The following DNAH9 variants were observed in gnomAD, a reference collection of about 807,000 sequenced individuals.
DNAH9 encodes the protein DNAH9 variant protein.
In DNAH9, 345 loss-of-function variants were observed where a neutral mutation model predicts 471.6. The ratio of observed to expected loss-of-function variants is 0.73; its 90% CI spans 0.67 to 0.80. The LOEUF (loss-of-function observed/expected upper bound fraction) is 0.80, where lower values mean the gene tolerates loss of function less well. Among genes scored for constraint, DNAH9 ranks in the 30% least tolerant of loss-of-function variants. DNAH9 has a pLI of 0.00. For missense variants in DNAH9, 5,407 were observed against 5,609.2 expected, an observed-to-expected ratio of 0.96 and a Z score of 1.15; for synonymous variants, 2,093 against 2,123.6, an observed-to-expected ratio of 0.99 and a Z score of 0.40.
intron 1 of DNAH9, among the ~76,000 whole-genome samples, chr17:11,604,412 G>T (rs1301388127): frequency 2.0e-5 from 3 of 152,062 alleles, no homozygotes; most frequent in Non-Finnish European, 4.4e-5. Flanking sequence ...CTTGGGGGCT[G>T]TCATTCAATT....
chr17:11,726,074 T>C (rs74749517), intron 27 of DNAH9, among the ~76,000 whole-genome samples: 1,758 of 152,258 alleles, frequency 0.012, 37 homozygotes, highest in African/African-American at 0.04. Flanking sequence ...CATTTTTCTC[T>C]GCACATATCA....
intron 1 of DNAH9, among the ~76,000 whole-genome samples, chr17:11,599,579 T>C (rs943223369): frequency 3.9e-5 from 6 of 152,152 alleles, no homozygotes; most frequent in African/African-American, 1.4e-4. Flanking sequence ...TGCCTGAAGC[T>C]CAGGGAGGAA....
chr17:11,828,445 C>A (rs1401538941), intron 48 of DNAH9, among the ~76,000 whole-genome samples: 2 of 144,398 alleles, frequency 1.4e-5, no homozygotes, highest in Non-Finnish European at 3.0e-5. Context: ...TGCACTCCAG[C>A]CTGGGCAACA....
In DNAH9 at chr17:11,739,009, C is replaced by T; in HGVS notation, c.5944C>T (p.Leu1982=). 6.2e-7 allele frequency: 1 copy of T among 1,613,946 alleles called. No individual in the cohort carries two copies. The highest frequency in any genetic ancestry group is 8.5e-7 in the Non-Finnish European group (1 of 1,179,844). Residue 1982 remains leucine (L), a synonymous_variant, in exon 29 of 69, where the codon CTG becomes TTG. Coordinates refer to ENST00000262442, the MANE Select transcript of DNAH9 (RefSeq NM_001372.4). ...CCCAGGCTATGCTGGCCGCACAGAG[C>T]TGCCAGAGAATCTCAAGTCTCTCTT... is the stretch of plus-strand genomic sequence containing the variant. ...MNPGYAGRTE[L]PENLKSLFRP...
intron 67 of DNAH9, among the ~76,000 whole-genome samples, chr17:11,951,932 A>G (rs1975377446): frequency 6.6e-6 from 1 of 151,876 alleles, no homozygotes; most frequent in Admixed American, 6.6e-5. Context: ...CAAAAAAAAA[A>G]AAAAAAATTA....
chr17:11,949,116 G>T (rs1023333070), intron 67 of DNAH9, among the ~76,000 whole-genome samples: 3 of 152,106 alleles, frequency 2.0e-5, no homozygotes, highest in Non-Finnish European at 4.4e-5. Context: ...AAGACCTACA[G>T]GAAAAATGAG....
intron 45 of DNAH9, among the ~76,000 whole-genome samples, chr17:11,820,764 C>A (rs2150939273): frequency 6.6e-6 from 1 of 152,120 alleles, no homozygotes; most frequent in Non-Finnish European, 1.5e-5. Context: ...CTATACTTTG[C>A]CTGTGATATT....
At chr17:11,609,832 G>T (rs542612535) in intron 2 of DNAH9, among the ~76,000 whole-genome samples, 1 of 152,206 alleles carries the variant, frequency 6.6e-6, no homozygotes, top group African/African-American at 2.4e-5. Context: ...TGATCTTCAG[G>T]TGGCTGATTA....
At chr17:11,870,528 A>G (rs1001130443) in intron 51 of DNAH9, among the ~76,000 whole-genome samples, 1 of 151,858 alleles carries the variant, frequency 6.6e-6, no homozygotes, top group Non-Finnish European at 1.5e-5. Context: ...TGTAATGAAG[A>G]CCTGCCATAC....
At position 11,763,528 on chromosome 17, in the gene DNAH9, C is replaced by G. The variant is rs758964511; in HGVS notation, c.7084C>G (p.Pro2362Ala). 4 of 1,614,050 alleles carry G rather than the reference C, an allele frequency of 2.5e-6. No homozygotes were observed. Among genetic ancestry groups the G allele is most frequent in the East Asian group, 2.2e-5 (1 of 44,876 alleles). The change falls in exon 36 of 69, where the codon CCT becomes GCT. Residue 2362 changes from proline (P) to alanine (A), a missense_variant. This residue lies in a region of DNAH9 where 4,636 missense variants were observed against 4,900.3 expected (regional missense o/e 0.95). Transcript: ENST00000262442. ...LECLLTTEDIPADCPKEIYEH... is the reference protein window; with the variant it reads ...LECLLTTEDIAADCPKEIYEH... ...ATGTCTCCTGACCACGGAGGACATC[C>G]CTGCAGACTGCCCTAAGGAAATTTA... is the stretch of plus-strand genomic sequence containing the variant.
At chr17:11,713,359 A>G (rs2074906228) in intron 26 of DNAH9, among the ~76,000 whole-genome samples, 1 of 152,182 alleles carries the variant, frequency 6.6e-6, no homozygotes, top group South Asian at 2.1e-4. Context: ...GCTGCAATGA[A>G]CATATGCATG....
In DNAH9 at chr17:11,904,499, C is replaced by G. The variant is rs143836671; in HGVS notation, c.11601-1162C>G. On this transcript the variant is annotated intron_variant, in intron 60 of 68. Coordinates refer to ENST00000262442, the MANE Select transcript of DNAH9 (RefSeq NM_001372.4). ...CAAAAATTAGCTAGGCATAGTGGCACTCGCCTGTAGTCCCAGCTACTCAGG... is the reference window on the plus strand; with the variant it reads ...CAAAAATTAGCTAGGCATAGTGGCAGTCGCCTGTAGTCCCAGCTACTCAGG... Among the ~76,000 whole-genome samples the G allele has an allele frequency of 5.7e-3, 860 of 151,966 alleles. 6 individuals carry two copies. The highest frequency in any genetic ancestry group is 0.027 in the Middle Eastern group (8 of 294).
At chr17:11,776,897 A>C (rs116021731) in intron 38 of DNAH9, among the ~76,000 whole-genome samples, 1,640 of 152,290 alleles carry the variant, frequency 0.011, 28 homozygotes, top group African/African-American at 0.038. Flanking sequence ...TTCATTCTCC[A>C]TTCCAGCAGT....
intron 42 of DNAH9, among the ~76,000 whole-genome samples, chr17:11,796,572 A>G (rs1969248604): frequency 6.6e-6 from 1 of 151,818 alleles, no homozygotes; most frequent in Admixed American, 6.6e-5. Flanking sequence ...CTTACCCTGC[A>G]GTGACTTATG....
At chr17:11,616,076 C>CA (rs2072735878) in intron 4 of DNAH9, among the ~76,000 whole-genome samples, 1 of 152,184 alleles carries the variant, frequency 6.6e-6, no homozygotes, top group Non-Finnish European at 1.5e-5. Flanking sequence ...TGGTGAGCCT[C>CA]CGTGAAGCCA....
intron 12 of DNAH9, among the ~76,000 whole-genome samples, chr17:11,648,259 A>G (rs1156892089): frequency 6.6e-6 from 1 of 152,220 alleles, no homozygotes; most frequent in African/African-American, 2.4e-5. Context: ...GAAAATTGCA[A>G]TTTAAGTAGA....
chr17:11,640,289 G>A lies in DNAH9; in HGVS notation c.1806G>A (p.Lys602=). The change falls in exon 10 of 69, where the codon AAG becomes AAA. Residue 602 remains lysine (K), a synonymous_variant. Coordinates refer to ENST00000262442, the MANE Select transcript of DNAH9 (RefSeq NM_001372.4). ...CTCCAGGGTTCTCCCCGGTGCACAA[G>A]AACATGCCCACCGTGGCTGGCGGCC... is the stretch of plus-strand genomic sequence containing the variant. ...EAELGFSPVH[K]NMPTVAGGLR... 2 of 1,613,698 alleles carry A rather than the reference G, an allele frequency of 1.2e-6. No homozygotes were observed. Among genetic ancestry groups the A allele is most frequent in the Middle Eastern group, 1.7e-4 (1 of 6,058 alleles).
intron 49 of DNAH9, among the ~76,000 whole-genome samples, chr17:11,846,711 G>A (rs372236008): frequency 0.016 from 2,214 of 139,590 alleles, 40 homozygotes; most frequent in African/African-American, 0.056. Flanking sequence ...CCTTGAAGAG[G>A]TCCTTCACAT....
intron 31 of DNAH9, among the ~76,000 whole-genome samples, chr17:11,745,965 C>T (rs1665182022): frequency 6.6e-6 from 1 of 152,160 alleles, no homozygotes; most frequent in African/African-American, 2.4e-5. Context: ...GGTTATCCAA[C>T]ATGTTACCAG....
Sources: allele counts gnomAD v4.1 joint callset (sites outside exome capture counted in the v4.1 genomes callset), GRCh38; gene constraint gnomAD v4.1.1; regional missense constraint gnomAD v4.1.1; transcripts MANE v1.5; gene names NCBI Gene and HGNC (gene_info 2026-07-23, HGNC 2026-07-21).